The following MIA2 variants were observed in gnomAD, a reference collection of about 807,000 sequenced individuals.
The protein encoded by MIA2 is MIA SH3 domain ER export factor 2.
A neutral mutation model predicts 167.8 loss-of-function variants in MIA2; 127 were observed. The observed-to-expected ratio is 0.76, with a 90% CI of 0.66 to 0.88. MIA2 has a LOEUF of 0.88. Ranked by LOEUF, MIA2 falls within the 40% of genes least tolerant of loss-of-function variation. The probability of loss-of-function intolerance (pLI) is 0.00; values close to 1 mark genes in which losing one functional copy is unlikely to be tolerated. For synonymous variants in MIA2, 552 were observed against 541.9 expected (o/e 1.02, Z -0.26); for missense variants, 1,690 against 1,624.7 (o/e 1.04, Z -0.69).
chr14:39,341,828 A>G (rs1445476135), intron 25 of MIA2, among the ~76,000 whole-genome samples: 3 of 152,238 alleles, frequency 2.0e-5, no homozygotes, highest in Admixed American at 2.0e-4. Context: ...GTTTATAATC[A>G]TAACAAGCTT....
At chr14:39,290,908 A>C (rs2060648085) in intron 9 of MIA2, 111 bp from the exon 10 acceptor site, 1 of 993,410 alleles carries the variant, frequency 1.0e-6, no homozygotes, top group African/African-American at 1.7e-5. Context: ...AATCCAAGTA[A>C]ATTTAATGTA....
intron 24 of MIA2, among the ~76,000 whole-genome samples, chr14:39,325,618 T>G (rs569607168): frequency 1.1e-4 from 16 of 151,872 alleles, no homozygotes; most frequent in Admixed American, 5.9e-4. Context: ...CCGCCCGCCT[T>G]GACCTCCCAA....
chr14:39,343,183 C>T (rs148088622), intron 25 of MIA2, among the ~76,000 whole-genome samples: 29 of 152,234 alleles, frequency 1.9e-4, no homozygotes, highest in African/African-American at 4.6e-4. Context: ...CTTGCTTTGT[C>T]GCTCAGGCTG....
intron 26 of MIA2, among the ~76,000 whole-genome samples, chr14:39,346,696 A>G (rs2073334082): frequency 6.7e-6 from 1 of 148,602 alleles, no homozygotes; most frequent in African/African-American, 2.4e-5. Context: ...TGTTATATAT[A>G]TAATTTTAAA....
At chr14:39,305,054 A>G (rs2063119117) in intron 17 of MIA2, among the ~76,000 whole-genome samples, 1 of 152,188 alleles carries the variant, frequency 6.6e-6, no homozygotes, top group Admixed American at 6.5e-5. Context: ...ATCTCTGAAT[A>G]TGGGATTATG....
At chr14:39,387,855 A>C (rs1022574379) in exon 24 of MIA2, 1 of 152,304 alleles carries the variant, frequency 6.6e-6, no homozygotes, top group Admixed American at 6.5e-5. Context: ...GATATCCTCC[A>C]CCAGGAAAAA....
chr14:39,304,255 T>C (rs2062970783), intron 16 of MIA2, 36 bp from the exon 17 acceptor site: 5 of 988,420 alleles, frequency 5.1e-6, no homozygotes, highest in Non-Finnish European at 6.1e-6. Context: ...GTATAACTGA[T>C]TAATGTTACT....
rs192338709 is a variant in MIA2, at chr14:39,293,669, A to G, written c.2319+288A>G. On this transcript the variant is annotated intron_variant, in intron 11 of 28. Coordinates refer to ENST00000640607, the MANE Select transcript of MIA2 (RefSeq NM_001329214.4). ...TAGTGTATATTTGTAATTACTTAAC[A>G]TGTATATTAACATTAAAACTTTTTC... is the stretch of plus-strand genomic sequence containing the variant. Among the ~76,000 whole-genome samples the G allele has an allele frequency of 1.7e-3, 252 of 152,314 alleles. 2 individuals are homozygous for G. The highest frequency in any genetic ancestry group is 6.8e-3 in the Middle Eastern group (2 of 294).
intron 19 of MIA2, 54 bp downstream of exon 19, chr14:39,313,495 A>T (rs2152937429): frequency 1.0e-6 from 1 of 965,098 alleles, no homozygotes; most frequent in East Asian, 2.7e-5. Context: ...GTATCTAAAA[A>T]ACTTAATGCC....
rs142291929 is a variant in MIA2, at chr14:39,342,849, A to G, written c.3656-3055A>G. 7.4e-4 allele frequency among the ~76,000 whole-genome samples: 113 copies of G among 152,288 alleles called. No individual in the cohort carries two copies. In the East Asian group the frequency reaches 0.02, roughly 28 times the overall value. ...GTGTAAACTTTCAGTTCTAATAATG[A>G]TTAAAAAAAATTAAAGTTCTGTTTT... On this transcript the variant is annotated intron_variant, in intron 25 of 28. Coordinates refer to ENST00000640607, the MANE Select transcript of MIA2 (RefSeq NM_001329214.4).
At chr14:39,260,996 T>G (rs987610588) in intron 6 of MIA2, among the ~76,000 whole-genome samples, 4 of 152,184 alleles carry the variant, frequency 2.6e-5, no homozygotes, top group Admixed American at 6.5e-5. Flanking sequence ...TTTTTTTCTT[T>G]TTTTAAATTA....
intron 3 of MIA2, among the ~76,000 whole-genome samples, chr14:39,245,469 G>A (rs956266606): frequency 6.6e-6 from 1 of 152,186 alleles, no homozygotes; most frequent in African/African-American, 2.4e-5. Context: ...ATCCTGGGCT[G>A]CATGCAGCCT....
At position 39,252,650 on chromosome 14, in the gene MIA2, A is replaced by G. The variant is rs527445364; in HGVS notation, c.1568-98A>G. The G allele has an allele frequency of 9.3e-5, 76 of 819,248 alleles. No individual in the cohort carries two copies. In the South Asian group the frequency reaches 1.3e-3, roughly 14 times the overall value. 50.7% of individuals were successfully genotyped at this position (819,248 alleles called of 1,614,324 possible). ...CTTTAACGAAGTATCATAATGACCT[A>G]CAAAAGTTCAGAAAAATGACCTGCC... On this transcript the variant is annotated intron_variant, in intron 4 of 28. Transcript: ENST00000640607.
intron 28 of MIA2, 63 bp downstream of exon 28, chr14:39,349,040 T>C: frequency 6.5e-7 from 1 of 1,546,824 alleles, no homozygotes; most frequent in South Asian, 1.1e-5. Context: ...GAGATTTAAT[T>C]TTACTATCTG....
intron 28 of MIA2, 83 bp downstream of exon 28, chr14:39,349,060 T>C (rs563405259): frequency 6.7e-7 from 1 of 1,484,270 alleles, no homozygotes; most frequent in African/African-American, 1.4e-5. Context: ...GTTAATGTAG[T>C]AACACAGTGG....
At chr14:39,255,142 T>C (rs892367268) in intron 6 of MIA2, among the ~76,000 whole-genome samples, 4 of 152,132 alleles carry the variant, frequency 2.6e-5, no homozygotes, top group Non-Finnish European at 4.4e-5. Context: ...ACATGATAAA[T>C]AAGCTTAGAG....
chr14:39,352,199 CT>C (rs11392444), downstream of MIA2, among the ~76,000 whole-genome samples: 210 of 132,980 alleles, frequency 1.6e-3, no homozygotes, highest in Middle Eastern at 4.1e-3. Flanking sequence ...TTGTTTTTGG[CT>C]TTTTTTTTTT....
rs553466713 is a variant in MIA2, at chr14:39,257,076, G to C, written c.1887+3905G>C. On this transcript the variant is annotated intron_variant, in intron 6 of 28. Coordinates refer to ENST00000640607, the MANE Select transcript of MIA2 (RefSeq NM_001329214.4). The stretch of plus-strand genomic sequence containing the variant: ...AAATATTCTGTTGATTTGGGTTAGA[G>C]AGTTCTGTAGATGTCTATTAGGTCG... 1.2e-4 allele frequency among the ~76,000 whole-genome samples: 18 copies of C among 152,306 alleles called. No homozygotes were observed. The South Asian group carries it at 3.7e-3, about 32-fold the overall frequency.
At chr14:39,344,958 C>T (rs2153067253) in intron 25 of MIA2, among the ~76,000 whole-genome samples, 1 of 152,308 alleles carries the variant, frequency 6.6e-6, no homozygotes, top group South Asian at 2.1e-4. Context: ...GCTGTAGAAG[C>T]ACTTGAGATA....
Sources: gnomAD v4.1 joint callset for allele counts (sites outside exome capture counted in the v4.1 genomes callset) on GRCh38, gnomAD v4.1.1 for gene constraint, MANE v1.5 for transcripts, NCBI Gene and HGNC (gene_info 2026-07-23, HGNC 2026-07-21) for gene names.